The following ST13 variants were observed in gnomAD, a reference collection of about 807,000 sequenced individuals.
The protein encoded by ST13 is hsc70-interacting protein.
ST13 carries 23 observed loss-of-function variants against 56.7 expected under a neutral mutation model. The observed-to-expected ratio is 0.41, with a 90% CI of 0.29 to 0.57. ST13 has a LOEUF of 0.57. Ranked by LOEUF, ST13 falls within the 20% of genes least tolerant of loss-of-function variation. The pLI is 0.36. For synonymous variants in ST13, 132 were observed against 142.4 expected, an observed-to-expected ratio of 0.93 and a Z score of 0.52; for missense variants, 369 against 459.9, an observed-to-expected ratio of 0.80 and a Z score of 1.81.
At position 40,826,212 on chromosome 22, in the gene ST13, C is replaced by T. The variant is rs2057727356; in HGVS notation, c.*326G>A. The T allele has an allele frequency of 5.7e-6, 1 of 176,348 alleles. No homozygotes were observed. Among genetic ancestry groups the T allele is most frequent in the Non-Finnish European group, 1.2e-5 (1 of 83,512 alleles). 10.9% of individuals were successfully genotyped at this position (176,348 alleles called of 1,614,324 possible). On this transcript the variant is annotated 3_prime_UTR_variant, in exon 12 of 12. Transcript: ENST00000216218. Reference sequence around the variant, plus strand: ...ATAAGTATATTCCCTGCCAATAATTCAAAGAAAAAAATCCAAAATGATTAG... The same window carrying T: ...ATAAGTATATTCCCTGCCAATAATTTAAAGAAAAAAATCCAAAATGATTAG...
chr22:40,834,097 G>T (rs1251973289), intron 7 of ST13, among the ~76,000 whole-genome samples: 5 of 152,136 alleles, frequency 3.3e-5, no homozygotes, highest in Admixed American at 1.3e-4. Flanking sequence ...GCTAATAGGC[G>T]AAACCCCCTC....
At chr22:40,833,796 G>A (rs1458446285) in intron 7 of ST13, among the ~76,000 whole-genome samples, 5 of 151,922 alleles carry the variant, frequency 3.3e-5, no homozygotes, top group Non-Finnish European at 2.9e-5. Flanking sequence ...GCTTGAGCCC[G>A]GGGCGGGTGC....
intron 3 of ST13, among the ~76,000 whole-genome samples, chr22:40,845,942 A>T (rs920002561): frequency 6.6e-5 from 10 of 152,064 alleles, no homozygotes; most frequent in Non-Finnish European, 1.5e-4. Context: ...ACATACAGGC[A>T]TATCGTTTTT....
intron 7 of ST13, among the ~76,000 whole-genome samples, chr22:40,834,649 T>C (rs1256706801): frequency 6.6e-6 from 1 of 152,204 alleles, no homozygotes; most frequent in Non-Finnish European, 1.5e-5. Context: ...GTTTCCGCTA[T>C]AATGAACCAC....
rs377639073 is a variant in ST13, at chr22:40,830,578, T to C, written c.798+262A>G. On this transcript the variant is annotated intron_variant, in intron 9 of 11. Coordinates refer to ENST00000216218, the MANE Select transcript of ST13 (RefSeq NM_003932.5). ...AATAATACTGTCACATTTCAATTAC[T>C]TGACCTGGAAAAACAACTGATTTTA... is the stretch of plus-strand genomic sequence containing the variant. 2.0e-3 allele frequency among the ~76,000 whole-genome samples: 301 copies of C among 152,288 alleles called. 2 individuals carry two copies. Among genetic ancestry groups the C allele is most frequent in the African/African-American group, 7.1e-3 (293 of 41,556 alleles).
chr22:40,853,899 T>C (rs1202498787), intron 1 of ST13, among the ~76,000 whole-genome samples: 1 of 152,142 alleles, frequency 6.6e-6, no homozygotes, highest in East Asian at 1.9e-4. Flanking sequence ...TGCTTCTGTC[T>C]CTAAAAAGGG....
chr22:40,834,170 A>AC (rs554672110), intron 7 of ST13, among the ~76,000 whole-genome samples: 461 of 152,114 alleles, frequency 3.0e-3, no homozygotes, highest in Non-Finnish European at 4.9e-3. Context: ...AATCCCAGCT[A>AC]CTCAGAAGGC....
chr22:40,826,727 T>A, intron 11 of ST13, 61 bp from the exon 12 acceptor site: 1 of 1,573,754 alleles, frequency 6.4e-7, no homozygotes, highest in Admixed American at 1.7e-5. Context: ...AAGTTTATTA[T>A]CCTAAATTCC....
chr22:40,832,698 G>A (rs1469095369), intron 7 of ST13, 27 bp from the exon 8 acceptor site: 2 of 1,536,864 alleles, frequency 1.3e-6, no homozygotes, highest in African/African-American at 1.4e-5. Flanking sequence ...CTCATTTTAG[G>A]AGCCTTTTAT....
chr22:40,832,023 T>C, intron 8 of ST13: 1 of 339,786 alleles, frequency 2.9e-6, no homozygotes, highest in Non-Finnish European at 5.8e-6. Flanking sequence ...CCTGGCTAAC[T>C]TTTTGTACTT....
At chr22:40,832,046 G>A (rs2057756336) in intron 8 of ST13, 1 of 363,334 alleles carries the variant, frequency 2.8e-6, no homozygotes, top group Non-Finnish European at 5.4e-6. Context: ...AGTAGAGACA[G>A]GGTTTCACTA....
At chr22:40,830,438 C>T (rs866032872) in intron 9 of ST13, among the ~76,000 whole-genome samples, 4 of 152,154 alleles carry the variant, frequency 2.6e-5, no homozygotes, top group African/African-American at 2.4e-5. Flanking sequence ...GGACTATAGG[C>T]ACTTGCCACC....
chr22:40,836,561 T>A (rs2057778590), intron 5 of ST13, among the ~76,000 whole-genome samples: 1 of 152,140 alleles, frequency 6.6e-6, no homozygotes, highest in South Asian at 2.1e-4. Context: ...AAAGAAAAAA[T>A]TAAGCTTAGA....
At chr22:40,830,108 A>C (rs1406101595) in intron 9 of ST13, among the ~76,000 whole-genome samples, 3 of 152,226 alleles carry the variant, frequency 2.0e-5, no homozygotes, top group African/African-American at 7.2e-5. Flanking sequence ...TAAAAGAGAA[A>C]ATGAACAAAA....
At position 40,830,402 on chromosome 22, in the gene ST13, C is replaced by T. The variant is rs183649243; in HGVS notation, c.798+438G>A. On this transcript the variant is annotated intron_variant, in intron 9 of 11. Coordinates refer to ENST00000216218, the MANE Select transcript of ST13 (RefSeq NM_003932.5). ...CTCGAACTCCTGGGCTCAAGTGAACCTCCCACCACAGCCTCCCAAGAGCTG... is the reference window on the plus strand; with the variant it reads ...CTCGAACTCCTGGGCTCAAGTGAACTTCCCACCACAGCCTCCCAAGAGCTG... Among the ~76,000 whole-genome samples, 4 of 152,296 alleles carry T rather than the reference C, an allele frequency of 2.6e-5. No homozygotes were observed. The East Asian group carries it at 5.8e-4, about 22-fold the overall frequency.
chr22:40,848,804 T>C (rs2057846166), intron 2 of ST13, among the ~76,000 whole-genome samples: 1 of 152,182 alleles, frequency 6.6e-6, no homozygotes, highest in Admixed American at 6.5e-5. Context: ...AGTTTAGAGA[T>C]TATAAATAGC....
intron 1 of ST13, among the ~76,000 whole-genome samples, chr22:40,855,493 G>C (rs1182266342): frequency 6.6e-6 from 1 of 152,144 alleles, no homozygotes. Context: ...CCTCTTAGGA[G>C]TCGCAATGGT....
intron 2 of ST13, among the ~76,000 whole-genome samples, chr22:40,849,125 T>C (rs191668447): frequency 1.3e-5 from 2 of 152,198 alleles, no homozygotes; most frequent in African/African-American, 4.8e-5. Flanking sequence ...CCTACCTTCA[T>C]CTATTCACTC....
rs1429887334 is a variant in ST13, at chr22:40,848,319, T to C, written c.219A>G (p.Glu73=). 10 of 1,613,526 alleles carry C rather than the reference T, an allele frequency of 6.2e-6. No individual in the cohort carries two copies. The Admixed American group carries it at 1.7e-4, about 27-fold the overall frequency. ...KKVEEDLKAD[E]PSSEESDLEI... Reference sequence around the variant, plus strand: ...CTAGATCACTTTCCTCACTTGATGGTTCGTCTGCCTTTAAGTCTTCCTCCA... The same window carrying C: ...CTAGATCACTTTCCTCACTTGATGGCTCGTCTGCCTTTAAGTCTTCCTCCA... The change falls in exon 3 of 12, where the codon GAA becomes GAG. Residue 73 remains glutamate, a synonymous_variant. Transcript: ENST00000216218.
Sources: gnomAD v4.1 joint callset for allele counts (sites outside exome capture counted in the v4.1 genomes callset) on GRCh38, gnomAD v4.1.1 for gene constraint, MANE v1.5 for transcripts, NCBI Gene and HGNC (gene_info 2026-07-23, HGNC 2026-07-21) for gene names.